The following CHRM3 variants were observed in gnomAD, a reference collection of about 807,000 sequenced individuals.
The protein encoded by CHRM3 is cholinergic receptor muscarinic 3, also known as muscarinic acetylcholine receptor M3.
Under a neutral mutation model 41.8 loss-of-function variants are expected in CHRM3, and 11 were observed. That is an observed-to-expected ratio of 0.26 (90% CI 0.17 to 0.44). CHRM3 has a LOEUF of 0.44. Ranked by LOEUF, CHRM3 falls within the 20% of genes least tolerant of loss-of-function variation. CHRM3 has a pLI of 1.00. For synonymous variants in CHRM3, 297 were observed against 301.4 expected, an observed-to-expected ratio of 0.99 and a Z score of 0.15; for missense variants, 571 against 745.4, an observed-to-expected ratio of 0.77 and a Z score of 2.72.
At chr1:239,472,182 A>G (rs1272177912) in intron 1 of CHRM3, among the ~76,000 whole-genome samples, 3 of 152,178 alleles carry the variant, frequency 2.0e-5, no homozygotes, top group African/African-American at 7.2e-5. Flanking sequence ...TTATTCTTCT[A>G]ATAGCTTCAT....
intron 5 of CHRM3, among the ~76,000 whole-genome samples, chr1:239,745,738 A>G (rs1397132572): frequency 2.0e-5 from 3 of 152,204 alleles, no homozygotes; most frequent in African/African-American, 7.2e-5. Flanking sequence ...TAGCCATATC[A>G]TATTATGCTC....
chr1:239,839,544 T>C (rs1673606972), intron 6 of CHRM3, among the ~76,000 whole-genome samples: 1 of 152,188 alleles, frequency 6.6e-6, no homozygotes, highest in South Asian at 2.1e-4. Context: ...CCATGGAACA[T>C]GTTTTGGCAG....
intron 6 of CHRM3, among the ~76,000 whole-genome samples, chr1:239,831,979 G>C (rs1672929338): frequency 6.6e-6 from 1 of 152,172 alleles, no homozygotes; most frequent in African/African-American, 2.4e-5. Flanking sequence ...TGTATTTACT[G>C]AAAGACCATC....
Position 239,632,069 on chromosome 1 carries a change from CA to C in CHRM3, c.-312-154del, listed in dbSNP as rs1221464507. 2.0e-5 allele frequency: 3 copies of C among 152,150 alleles called. No individual in the cohort carries two copies. The East Asian group carries it at 5.8e-4, about 29-fold the overall frequency. The allele number at this position is 152,150 out of a possible 1,614,324, so 9.4% of individuals were successfully genotyped here. ...TCCTCTTCAGGTACATGAGGTTAGG[CA>C]CCATGATCTGGGAAGTCACTTCCAA... On this transcript the variant is annotated intron_variant, in intron 3 of 6. Transcript: ENST00000676153.
chr1:239,744,552 G>GA (rs908822313), intron 5 of CHRM3, among the ~76,000 whole-genome samples: 20 of 152,156 alleles, frequency 1.3e-4, no homozygotes, highest in African/African-American at 4.6e-4. Context: ...ACAGGCATGT[G>GA]AACGGCTTGT....
rs7513513 is a variant in CHRM3 at position 239,850,436 on chromosome 1, G to T, written c.-20+23058G>T. On this transcript the variant is annotated intron_variant, in intron 6 of 6. Coordinates refer to ENST00000676153, the MANE Select transcript of CHRM3 (RefSeq NM_001375978.1). ...GGAGGCAGGAGAGGCAGGCACACTC[G>T]GTGTAATTTTCATTGAAAGAAATCT... Among the ~76,000 whole-genome samples, 381 of 152,060 alleles carry T rather than the reference G, an allele frequency of 2.5e-3. 1 individual carries two copies. Among genetic ancestry groups the T allele is most frequent in the African/African-American group, 8.5e-3 (352 of 41,476 alleles).
intron 2 of CHRM3, among the ~76,000 whole-genome samples, chr1:239,536,726 C>T (rs557891130): frequency 4.9e-4 from 74 of 152,266 alleles, no homozygotes; most frequent in Middle Eastern, 3.4e-3. Flanking sequence ...TTTTGGCTGC[C>T]TGCCTTCTTA....
chr1:239,536,877 T>C (rs1338062079), intron 2 of CHRM3, among the ~76,000 whole-genome samples: 1 of 152,220 alleles, frequency 6.6e-6, no homozygotes, highest in South Asian at 2.1e-4. Context: ...TCAATCTAAA[T>C]GTATATTTTG....
chr1:239,812,144 A>C (rs976749874), intron 5 of CHRM3, among the ~76,000 whole-genome samples: 1 of 152,104 alleles, frequency 6.6e-6, no homozygotes, highest in Non-Finnish European at 1.5e-5. Flanking sequence ...GGCTCAAGTG[A>C]TTCTCCCACC....
intron 5 of CHRM3, among the ~76,000 whole-genome samples, chr1:239,679,034 T>TAGATAGATAGAC (rs1658296496): frequency 6.6e-6 from 1 of 151,338 alleles, no homozygotes; most frequent in East Asian, 1.9e-4. Context: ...GATGGATAGA[T>TAGATAGATAGAC]AGATAGATAG....
intron 5 of CHRM3, among the ~76,000 whole-genome samples, chr1:239,731,995 C>A (rs1664006946): frequency 1.3e-5 from 2 of 151,942 alleles, no homozygotes; most frequent in Admixed American, 6.6e-5. Flanking sequence ...AATTATTTAG[C>A]AACCTTTCCA....
intron 1 of CHRM3, among the ~76,000 whole-genome samples, chr1:239,471,132 A>C (rs1013034486): frequency 3.3e-5 from 5 of 151,704 alleles, no homozygotes; most frequent in Non-Finnish European, 7.3e-5. Context: ...ATGTTCATAA[A>C]TTCTCTGTGT....
At position 239,396,721 on chromosome 1, in the gene CHRM3, C is replaced by T. The variant is rs182874171; in HGVS notation, c.-521+9494C>T. Among the ~76,000 whole-genome samples the T allele has an allele frequency of 2.6e-3, 402 of 152,232 alleles. 1 individual carries two copies. The highest frequency in any genetic ancestry group is 9.5e-3 in the African/African-American group (395 of 41,546). On this transcript the variant is annotated intron_variant, in intron 1 of 6. Coordinates refer to ENST00000676153, the MANE Select transcript of CHRM3 (RefSeq NM_001375978.1). ...ATATATATCAAAAGTAAAAGTCCAC[C>T]ATAACCCAATGCCCCCAAAGACAAC...
intron 3 of CHRM3, among the ~76,000 whole-genome samples, chr1:239,570,583 A>C (rs1661735714): frequency 6.6e-6 from 1 of 152,170 alleles, no homozygotes; most frequent in African/African-American, 2.4e-5. Flanking sequence ...TGGTGTACTC[A>C]AATCTATACT....
chr1:239,469,643 G>T (rs913431030), intron 1 of CHRM3, among the ~76,000 whole-genome samples: 1 of 151,996 alleles, frequency 6.6e-6, no homozygotes, highest in Non-Finnish European at 1.5e-5. Context: ...TGCAACCTCT[G>T]CCTCCCGAGT....
chr1:239,785,840 A>G (rs1668851445), intron 5 of CHRM3, among the ~76,000 whole-genome samples: 1 of 152,146 alleles, frequency 6.6e-6, no homozygotes, highest in Non-Finnish European at 1.5e-5. Context: ...TTTAGTTTGC[A>G]AATTCTTCCT....
chr1:239,484,976 C>A (rs1349422768), intron 1 of CHRM3, among the ~76,000 whole-genome samples: 1 of 152,148 alleles, frequency 6.6e-6, no homozygotes, highest in Non-Finnish European at 1.5e-5. Flanking sequence ...CCTATACTTT[C>A]ACCAGTCTAA....
At chr1:239,634,383 A>AAGAC (rs1373118343) in intron 4 of CHRM3, among the ~76,000 whole-genome samples, 1 of 150,368 alleles carries the variant, frequency 6.7e-6, no homozygotes, top group African/African-American at 2.5e-5. Flanking sequence ...AAACGAAAGA[A>AAGAC]AGAAAGAAAG....
chr1:239,651,373 A>G (rs1672224509), intron 4 of CHRM3, among the ~76,000 whole-genome samples: 1 of 152,198 alleles, frequency 6.6e-6, no homozygotes, highest in South Asian at 2.1e-4. Context: ...ACGTCTTTAA[A>G]TATTACCCAA....
Sources: allele counts gnomAD v4.1 joint callset (sites outside exome capture counted in the v4.1 genomes callset), GRCh38; gene constraint gnomAD v4.1.1; transcripts MANE v1.5; gene names NCBI Gene and HGNC (gene_info 2026-07-23, HGNC 2026-07-21).